KCNQ3: variants seen among roughly 807,000 people sequenced by gnomAD.
The protein encoded by KCNQ3 is potassium voltage-gated channel subfamily KQT member 3.
In KCNQ3, 30 loss-of-function variants were observed where a neutral mutation model predicts 92.5. The observed-to-expected ratio is 0.32, with a 90% CI of 0.24 to 0.44. The LOEUF is 0.44. Among genes scored for constraint, KCNQ3 ranks in the 20% least tolerant of loss-of-function variants. The pLI is 1.00. For missense variants in KCNQ3, 913 were observed against 1,140.3 expected (o/e 0.80, Z 2.87); for synonymous variants, 450 against 468.8 (o/e 0.96, Z 0.52).
intron 1 of KCNQ3, among the ~76,000 whole-genome samples, chr8:132,324,840 C>G (rs1204121130): frequency 6.6e-6 from 1 of 152,170 alleles, no homozygotes; most frequent in Non-Finnish European, 1.5e-5. Flanking sequence ...CCGGCGGTTG[C>G]CATCATAATG....
chr8:132,183,982 A>G (rs1333620830), intron 3 of KCNQ3, among the ~76,000 whole-genome samples: 3 of 152,032 alleles, frequency 2.0e-5, no homozygotes, highest in Non-Finnish European at 2.9e-5. Flanking sequence ...CCACAACCCA[A>G]TTGCCAAGAG....
At chr8:132,257,606 G>T (rs1251326399) in intron 1 of KCNQ3, among the ~76,000 whole-genome samples, 1 of 151,902 alleles carries the variant, frequency 6.6e-6, no homozygotes, top group Non-Finnish European at 1.5e-5. Context: ...AATTAGCTGG[G>T]TGTGGTGGCA....
At chr8:132,187,906 G>GTGGTGGTGGTAGTGATAGTGA (rs1827049385) in intron 1 of KCNQ3, among the ~76,000 whole-genome samples, 1 of 90,128 alleles carries the variant, frequency 1.1e-5, no homozygotes, top group Non-Finnish European at 2.3e-5. Flanking sequence ...GGTGGTGATG[G>GTGGTGGTGGTAGTGATAGTGA]TGGTGGTGGT....
At chr8:132,286,019 A>T (rs1816669933) in intron 1 of KCNQ3, among the ~76,000 whole-genome samples, 1 of 152,166 alleles carries the variant, frequency 6.6e-6, no homozygotes, top group Admixed American at 6.5e-5. Flanking sequence ...TGCAGAATGT[A>T]AGAGTTATGG....
chr8:132,311,631 G>A (rs1817597001), intron 1 of KCNQ3, among the ~76,000 whole-genome samples: 1 of 152,192 alleles, frequency 6.6e-6, no homozygotes, highest in Admixed American at 6.5e-5. Context: ...GACTGTATTT[G>A]AAGAATTCAC....
chr8:132,231,633 G>T (rs1343378110), intron 1 of KCNQ3, among the ~76,000 whole-genome samples: 1 of 152,198 alleles, frequency 6.6e-6, no homozygotes, highest in East Asian at 1.9e-4. Flanking sequence ...AAACCAGGAA[G>T]AGAGTCCATC....
chr8:132,249,710 C>T (rs1027244733), intron 1 of KCNQ3, among the ~76,000 whole-genome samples: 7 of 152,234 alleles, frequency 4.6e-5, no homozygotes, highest in South Asian at 4.1e-4. Flanking sequence ...GAGCAGGGGG[C>T]GGTGCTCGTT....
intron 1 of KCNQ3, among the ~76,000 whole-genome samples, chr8:132,297,618 G>C (rs1254905198): frequency 9.4e-6 from 1 of 106,488 alleles, no homozygotes. Context: ...AAATATGAAT[G>C]AATCAATAAT....
rs1260033358 is a variant in KCNQ3 at position 132,126,860 on chromosome 8, A to G, written c.*2402T>C. 2.0e-5 allele frequency: 3 copies of G among 152,222 alleles called. No homozygotes were observed. Among genetic ancestry groups the G allele is most frequent in the Non-Finnish European group, 4.4e-5 (3 of 68,036 alleles). The allele number at this position is 152,222 out of a possible 1,614,324, so 9.4% of individuals were successfully genotyped here. A position where few individuals can be genotyped will look rare whatever the true frequency, so the allele number is the denominator to read the frequency against. The stretch of plus-strand genomic sequence containing the variant: ...CCATTGAGTTGCTGGAAAATGCATC[A>G]TCTATTGGTAAAATACTTAAGATAG... On this transcript the variant is annotated 3_prime_UTR_variant, in exon 15 of 15. Coordinates refer to ENST00000388996, the MANE Select transcript of KCNQ3 (RefSeq NM_004519.4).
chr8:132,370,639 C>A (rs1171181996), intron 1 of KCNQ3, among the ~76,000 whole-genome samples: 2 of 152,210 alleles, frequency 1.3e-5, no homozygotes. Flanking sequence ...GAACTCGTTA[C>A]ACAGTTGGTG....
rs1822545869 is a variant in KCNQ3, at chr8:132,480,810, G to A, written c.-278C>T. The A allele has an allele frequency of 6.1e-6, 1 of 165,242 alleles. No individual in the cohort carries two copies. The allele number at this position is 165,242 out of a possible 1,614,324, so 10.2% of individuals were successfully genotyped here. On this transcript the variant is annotated 5_prime_UTR_variant, in exon 1 of 15. Transcript: ENST00000388996. The stretch of plus-strand genomic sequence containing the variant: ...CGGGGGCTGCGGAGAAGCTGGGAGG[G>A]CGCGCGAGGCTGGCGCGGAGGCGCT...
At chr8:132,362,938 G>A (rs1376495262) in intron 1 of KCNQ3, among the ~76,000 whole-genome samples, 1 of 152,126 alleles carries the variant, frequency 6.6e-6, no homozygotes, top group Non-Finnish European at 1.5e-5. Flanking sequence ...GAGTTCCTAA[G>A]GCTAGAGGGA....
chr8:132,275,063 G>A (rs962390323), intron 1 of KCNQ3, among the ~76,000 whole-genome samples: 6 of 152,178 alleles, frequency 3.9e-5, no homozygotes, highest in African/African-American at 1.2e-4. Context: ...GTGGGGAGGT[G>A]TCAGCAGAGG....
Position 132,180,244 on chromosome 8 carries a change from G to T in KCNQ3, c.690C>A (p.Arg230=). ...GCAGCATGCGCAGGATCTGCAGGAAGCGCAGGCTTCGCAGGGAGGTGGCCA... is the reference window on the plus strand; with the variant it reads ...GCAGCATGCGCAGGATCTGCAGGAATCGCAGGCTTCGCAGGGAGGTGGCCA... ...NVLATSLRSL[R]FLQILRMLRM... Residue 230 remains arginine, a synonymous_variant, in exon 4 of 15, where the codon CGC becomes CGA. Transcript: ENST00000388996. 1 of 1,614,220 alleles carries T rather than the reference G, an allele frequency of 6.2e-7. No homozygotes were observed. The highest frequency in any genetic ancestry group is 8.5e-7 in the Non-Finnish European group (1 of 1,180,044).
intron 1 of KCNQ3, among the ~76,000 whole-genome samples, chr8:132,362,442 T>C (rs1412698672): frequency 6.6e-6 from 1 of 152,164 alleles, no homozygotes; most frequent in Non-Finnish European, 1.5e-5. Flanking sequence ...AGCATCAACC[T>C]TCCAGTTCCA....
chr8:132,414,976 G>T (rs1480667802), intron 1 of KCNQ3, among the ~76,000 whole-genome samples: 2 of 152,206 alleles, frequency 1.3e-5, no homozygotes, highest in African/African-American at 4.8e-5. Context: ...CCCGGAGAGG[G>T]GCTGCTGTCA....
At chr8:132,389,174 A>G (rs529160547) in intron 1 of KCNQ3, among the ~76,000 whole-genome samples, 1 of 152,354 alleles carries the variant, frequency 6.6e-6, no homozygotes, top group Admixed American at 6.5e-5. Flanking sequence ...ATCTTTGTTC[A>G]GGCCAGGTGC....
intron 14 of KCNQ3, among the ~76,000 whole-genome samples, chr8:132,131,699 G>A (rs114677566): frequency 0.026 from 3,971 of 152,230 alleles, 178 homozygotes; most frequent in African/African-American, 0.087. Context: ...TAACTTGCAC[G>A]TGATCACTCA....
intron 9 of KCNQ3, among the ~76,000 whole-genome samples, chr8:132,146,289 A>AT (rs1314242288): frequency 3.3e-5 from 5 of 152,276 alleles, no homozygotes; most frequent in African/African-American, 9.6e-5. Flanking sequence ...ATACAACGGG[A>AT]TACCATTTGG....
Sources: allele counts gnomAD v4.1 joint callset (sites outside exome capture counted in the v4.1 genomes callset), GRCh38; gene constraint gnomAD v4.1.1; transcripts MANE v1.5; gene names NCBI Gene and HGNC (gene_info 2026-07-23, HGNC 2026-07-21).